The following HARS1 variants were observed in gnomAD, a reference collection of about 807,000 sequenced individuals.
HARS1 encodes the protein histidyl-tRNA synthetase 1, also known as histidine--tRNA ligase, cytoplasmic.
In HARS1, 45 loss-of-function variants were observed where a neutral mutation model predicts 63.6. That is an observed-to-expected ratio of 0.71 (90% CI 0.56 to 0.91). The LOEUF (loss-of-function observed/expected upper bound fraction) is 0.91. Among genes scored for constraint, HARS1 ranks in the 40% least tolerant of loss-of-function variants. The pLI, the probability that HARS1 is intolerant of heterozygous loss-of-function variation, is 0.00. For missense variants in HARS1, 508 were observed against 643.2 expected, an observed-to-expected ratio of 0.79 and a Z score of 2.27; for synonymous variants, 205 against 247.1, an observed-to-expected ratio of 0.83 and a Z score of 1.60.
chr5:140,678,924 C>A, intron 5 of HARS1, 78 bp downstream of exon 5: 1 of 1,457,100 alleles, frequency 6.9e-7, no homozygotes, highest in Non-Finnish European at 9.5e-7. Context: ...CTCAGGACAC[C>A]GTGAGTACTC....
Position 140,683,072 on chromosome 5 carries a change from A to G in HARS1, c.300+28T>C, listed in dbSNP as rs767250748. On this transcript the variant is annotated intron_variant, in intron 3 of 12. Transcript: ENST00000504156. ...TTATTCAAATGCCCACTCATCTACC[A>G]TGTAGTTTCTTCTTGCCCATTCCTC... is the stretch of plus-strand genomic sequence containing the variant. 1.6e-5 allele frequency: 26 copies of G among 1,607,692 alleles called. No homozygotes were observed. In the East Asian group the frequency reaches 5.6e-4, roughly 35 times the overall value.
In HARS1 at chr5:140,677,391, C is replaced by A; in HGVS notation, c.759G>T (p.Met253Ile). 6.2e-7 allele frequency: 1 copy of A among 1,613,824 alleles called. No homozygotes were observed. The highest frequency in any genetic ancestry group is 8.5e-7 in the Non-Finnish European group (1 of 1,179,794). Residue 253 changes from methionine (M) to isoleucine (I), a missense_variant, in exon 8 of 13, where the codon ATG becomes ATT. Physicochemically the swap from Met to Ile is conservative, Grantham distance 10. Transcript: ENST00000504156. ...CAGGTGCAAGGCCCTTCTCTCCCAC[C>A]ATCTCATTCTTCACCTCTTCCCAGG... ...KVSWEEVKNEMVGEKGLAPEV... is the reference protein window; with the variant it reads ...KVSWEEVKNEIVGEKGLAPEV...
chr5:140,680,707 C>T (rs935183967), intron 3 of HARS1, among the ~76,000 whole-genome samples: 1 of 151,776 alleles, frequency 6.6e-6, no homozygotes, highest in African/African-American at 2.4e-5. Flanking sequence ...GCTGGGGGAG[C>T]TGGTAGGCAT....
At position 140,683,133 on chromosome 5, in the gene HARS1, T is replaced by G. The variant is rs757336196; in HGVS notation, c.267A>C (p.Ala89=). The G allele has an allele frequency of 1.2e-6, 2 of 1,614,164 alleles. No individual in the cohort carries two copies. The highest frequency in any genetic ancestry group is 4.5e-5 in the East Asian group (2 of 44,892). The change falls in exon 3 of 13, where the codon GCA becomes GCC. Residue 89 remains alanine (A), a synonymous_variant. Coordinates refer to ENST00000504156, the MANE Select transcript of HARS1 (RefSeq NM_002109.6). ...VIIRCFKRHG[A]EVIDTPVFEL... Reference sequence around the variant, plus strand: ...CAAATACAGGTGTATCAATGACTTCTGCACCGTGGCGCTTGAAGCAACGGA... The same window carrying G: ...CAAATACAGGTGTATCAATGACTTCGGCACCGTGGCGCTTGAAGCAACGGA...
In HARS1 at chr5:140,677,658, G is replaced by A. The variant is rs1131035; in HGVS notation, c.726C>T (p.Asp242=). ...RTICSSVDKL[D]KVSWEEVKNE... is the part of the protein sequence containing the mutation. ...AGTCAAGTACTTGGGTTGTTACCTT[G>A]TCCAGCTTGTCTACTGAGGAGCAGA... is the stretch of plus-strand genomic sequence containing the variant. Residue 242 remains aspartate, a synonymous_variant, in exon 7 of 13, where the codon GAC becomes GAT. Transcript: ENST00000504156. 9.4e-6 allele frequency: 15 copies of A among 1,599,824 alleles called. No homozygotes were observed. Among genetic ancestry groups the A allele is most frequent in the Middle Eastern group, 1.6e-4 (1 of 6,068 alleles).
intron 1 of HARS1, 31 bp downstream of exon 1, chr5:140,691,184 T>C (rs1444213718): frequency 6.6e-7 from 1 of 1,516,830 alleles, no homozygotes; most frequent in African/African-American, 1.4e-5. Context: ...AGGCTTTGCC[T>C]TGGCCCTCTC....
intron 7 of HARS1, 92 bp downstream of exon 7, chr5:140,677,563 G>A: frequency 9.3e-7 from 1 of 1,074,398 alleles, no homozygotes; most frequent in Middle Eastern, 2.0e-4. Flanking sequence ...GGTGGGTATA[G>A]AGGCATGCAC....
At chr5:140,685,625 G>A (rs1417905023) in intron 2 of HARS1, among the ~76,000 whole-genome samples, 3 of 151,358 alleles carry the variant, frequency 2.0e-5, no homozygotes, top group Non-Finnish European at 2.9e-5. Context: ...GGACGCTGAG[G>A]CAGGAGAATT....
At chr5:140,689,986 A>G (rs1004954820) in intron 2 of HARS1, among the ~76,000 whole-genome samples, 1 of 152,202 alleles carries the variant, frequency 6.6e-6, no homozygotes, top group African/African-American at 2.4e-5. Flanking sequence ...TCCATACTCT[A>G]CCTGGACCTA....
intron 2 of HARS1, among the ~76,000 whole-genome samples, chr5:140,690,428 G>T (rs1228351798): frequency 6.6e-6 from 1 of 150,502 alleles, no homozygotes; most frequent in Non-Finnish European, 1.5e-5. Flanking sequence ...TCCAGCCTGT[G>T]CAACAGAGGA....
chr5:140,677,677 G>C lies in HARS1; in HGVS notation c.707C>G (p.Ser236Cys), dbSNP rs1758465890. 1 of 1,610,124 alleles carries C rather than the reference G, an allele frequency of 6.2e-7. No homozygotes were observed. The highest frequency in any genetic ancestry group is 1.1e-5 in the South Asian group (1 of 90,962). Residue 236 changes from serine to cysteine, a missense_variant, in exon 7 of 13, where the codon TCC (serine) becomes TGC (cysteine). Ser to Cys is a moderately radical substitution (Grantham distance 112). Transcript: ENST00000504156. The stretch of plus-strand genomic sequence containing the variant: ...TACCTTGTCCAGCTTGTCTACTGAG[G>C]AGCAGATGGTACGGAACTTGCTGTC... The part of the protein sequence containing the change: ...VSDSKFRTIC[S>C]SVDKLDKVSW...
In HARS1 at chr5:140,675,774, C is replaced by T. The variant is rs535560293; in HGVS notation, c.1195-641G>A. On this transcript the variant is annotated intron_variant, in intron 10 of 12. Transcript: ENST00000504156. Reference sequence around the variant, plus strand: ...TCACACTTCAGTTACAGGGCACAGGCGTGTATATGGGTGTGGGGAAAGGAG... The same window carrying T: ...TCACACTTCAGTTACAGGGCACAGGTGTGTATATGGGTGTGGGGAAAGGAG... The T allele has an allele frequency of 7.9e-5, 12 of 152,222 alleles. 1 individual carries two copies. The highest frequency in any genetic ancestry group is 6.8e-3 in the Middle Eastern group (2 of 294). 9.4% of individuals were successfully genotyped at this position (152,222 alleles called of 1,614,324 possible). A position where few individuals can be genotyped will look rare whatever the true frequency, so the allele number is the denominator to read the frequency against.
chr5:140,681,451 G>A (rs1758725557), intron 3 of HARS1, among the ~76,000 whole-genome samples: 1 of 152,126 alleles, frequency 6.6e-6, no homozygotes, highest in Admixed American at 6.6e-5. Flanking sequence ...AATCACTGGA[G>A]GCCAGGAATT....
chr5:140,677,610 G>A (rs369756348), intron 7 of HARS1, 45 bp downstream of exon 7: 7 of 1,309,310 alleles, frequency 5.3e-6, no homozygotes, highest in Non-Finnish European at 7.8e-6. Context: ...ATTTCCCAAG[G>A]CAGGGTGGGA....
chr5:140,686,742 A>C (rs1169961880), intron 2 of HARS1, among the ~76,000 whole-genome samples: 1 of 151,660 alleles, frequency 6.6e-6, no homozygotes, highest in Non-Finnish European at 1.5e-5. Flanking sequence ...CTGGCATTAC[A>C]AGCATGCGCC....
chr5:140,678,958 A>G, intron 5 of HARS1, 44 bp downstream of exon 5: 1 of 1,603,128 alleles, frequency 6.2e-7, no homozygotes, highest in Non-Finnish European at 8.5e-7. Context: ...GGCTTGAGAG[A>G]GCCCCAAGTA....
At chr5:140,686,984 C>G (rs1159266001) in intron 2 of HARS1, among the ~76,000 whole-genome samples, 1 of 152,178 alleles carries the variant, frequency 6.6e-6, no homozygotes, top group Non-Finnish European at 1.5e-5. Flanking sequence ...GGTGACGAGG[C>G]TCACTTCGTT....
chr5:140,686,430 C>G (rs1282294351), intron 2 of HARS1, among the ~76,000 whole-genome samples: 1 of 151,920 alleles, frequency 6.6e-6, no homozygotes, highest in Non-Finnish European at 1.5e-5. Context: ...GTAGAGACAG[C>G]GTTTCACCAT....
chr5:140,678,094 G>C, intron 5 of HARS1, 79 bp from the exon 6 acceptor site: 1 of 775,628 alleles, frequency 1.3e-6, no homozygotes, highest in South Asian at 1.4e-5. Flanking sequence ...TGTCCTCTAG[G>C]AAGGCCTGGT....
Sources: allele counts gnomAD v4.1 joint callset (sites outside exome capture counted in the v4.1 genomes callset), GRCh38; gene constraint gnomAD v4.1.1; transcripts MANE v1.5; gene names NCBI Gene and HGNC (gene_info 2026-07-23, HGNC 2026-07-21).